The following LARP6 variants were observed in gnomAD, a reference collection of about 807,000 sequenced individuals.
The protein encoded by LARP6 is la-related protein 6.
LARP6 carries 18 observed loss-of-function variants against 32.8 expected under a neutral mutation model. That is an observed-to-expected ratio of 0.55 (90% CI 0.38 to 0.81). LARP6 has a LOEUF of 0.81. LARP6 is among the 40% of genes least tolerant of loss of function. The pLI is 0.00. For missense variants in LARP6, 598 were observed against 663.1 expected, an observed-to-expected ratio of 0.90 and a Z score of 1.08; for synonymous variants, 289 against 267.2, an observed-to-expected ratio of 1.08 and a Z score of -0.80.
intron 1 of LARP6, among the ~76,000 whole-genome samples, chr15:70,838,018 T>A (rs781027526): frequency 7.2e-5 from 11 of 152,214 alleles, no homozygotes; most frequent in Non-Finnish European, 1.6e-4. Context: ...CCTGGGGTAA[T>A]CTCATGCAAT....
Position 70,832,625 on chromosome 15 carries a change from G to C in LARP6, c.903C>G (p.Ala301=), listed in dbSNP as rs1385970315. 9 of 1,607,944 alleles carry C rather than the reference G, an allele frequency of 5.6e-6. No homozygotes were observed. The highest frequency in any genetic ancestry group is 6.8e-6 in the Non-Finnish European group (8 of 1,178,292). ...GCTCCTCGTCATGATTTTTGTCTTTGGCAGGTTTCTTTTTGGGTGGCTTCA... is the reference window on the plus strand; with the variant it reads ...GCTCCTCGTCATGATTTTTGTCTTTCGCAGGTTTCTTTTTGGGTGGCTTCA... ...IGMKPPKKKP[A]KDKNHDEEPT... The change falls in exon 3 of 3, where the codon GCC becomes GCG. Residue 301 remains alanine (A), a synonymous_variant. Transcript: ENST00000299213.
chr15:70,852,157 G>A, intron 1 of LARP6: 1 of 384,606 alleles, frequency 2.6e-6, no homozygotes, highest in South Asian at 1.9e-5. Context: ...ACAGGGGATA[G>A]TGTGGATCCT....
intron 1 of LARP6, among the ~76,000 whole-genome samples, chr15:70,841,426 C>T (rs1388545585): frequency 2.0e-5 from 3 of 152,184 alleles, no homozygotes; most frequent in Non-Finnish European, 4.4e-5. Context: ...TGTCTCTAGA[C>T]ATCCATCAAA....
At chr15:70,851,320 A>AT in intron 1 of LARP6, 2 of 415,690 alleles carry the variant, frequency 4.8e-6, no homozygotes, top group Non-Finnish European at 7.1e-6. Flanking sequence ...TCATAGTACT[A>AT]TTTTTTCATA....
chr15:70,846,659 A>C (rs2032352859), intron 1 of LARP6, among the ~76,000 whole-genome samples: 1 of 104,958 alleles, frequency 9.5e-6, no homozygotes, highest in Admixed American at 1.2e-4. Flanking sequence ...CATAATAAAA[A>C]AAAAACCAAC....
chr15:70,836,244 C>T (rs2032144434), intron 2 of LARP6, 51 bp downstream of exon 2: 1 of 1,534,960 alleles, frequency 6.5e-7, no homozygotes, highest in South Asian at 1.1e-5. Context: ...AAAACCACAA[C>T]CCAAAACAAA....
In LARP6 at chr15:70,831,942, A is replaced by G. The variant is rs1323761368; in HGVS notation, c.*110T>C. On this transcript the variant is annotated 3_prime_UTR_variant, in exon 3 of 3. Coordinates refer to ENST00000299213, the MANE Select transcript of LARP6 (RefSeq NM_018357.4). ...GATAAATTAAGAGGTCTACATGAATAAAAAATCTCTCAAAGGGGAACGAAT... is the reference window on the plus strand; with the variant it reads ...GATAAATTAAGAGGTCTACATGAATGAAAAATCTCTCAAAGGGGAACGAAT... 1.3e-6 allele frequency: 1 copy of G among 769,464 alleles called. No homozygotes were observed. The highest frequency in any genetic ancestry group is 2.1e-6 in the Non-Finnish European group (1 of 485,446). 47.7% of individuals were successfully genotyped at this position (769,464 alleles called of 1,614,324 possible). A position where few individuals can be genotyped will look rare whatever the true frequency, so the allele number is the denominator to read the frequency against.
intron 1 of LARP6, among the ~76,000 whole-genome samples, chr15:70,839,720 C>A (rs2032216914): frequency 6.6e-6 from 1 of 152,006 alleles, no homozygotes; most frequent in Non-Finnish European, 1.5e-5. Context: ...GTAGATGGGA[C>A]TACAGGCGCC....
intron 1 of LARP6, among the ~76,000 whole-genome samples, chr15:70,845,975 T>A (rs1463422152): frequency 6.6e-6 from 1 of 152,266 alleles, no homozygotes; most frequent in Non-Finnish European, 1.5e-5. Context: ...GTCTCTTTTT[T>A]TTCCCCCTTA....
chr15:70,830,656 T>C lies in LARP6; in HGVS notation c.*1396A>G, dbSNP rs537473678. The stretch of plus-strand genomic sequence containing the variant: ...AGATAATACCTGAACATTTCTCTTG[T>C]AGTTTTTGGGCAGATTAAATGAGAT... On this transcript the variant is annotated 3_prime_UTR_variant, in exon 3 of 3. Coordinates refer to ENST00000299213, the MANE Select transcript of LARP6 (RefSeq NM_018357.4). 1.3e-4 allele frequency: 20 copies of C among 152,372 alleles called. No individual in the cohort carries two copies. The highest frequency in any genetic ancestry group is 4.8e-4 in the African/African-American group (20 of 41,584). The allele number at this position is 152,372 out of a possible 1,614,324, so 9.4% of individuals were successfully genotyped here.
intron 2 of LARP6, among the ~76,000 whole-genome samples, chr15:70,833,878 A>G (rs1441052055): frequency 6.6e-6 from 1 of 152,236 alleles, no homozygotes; most frequent in Non-Finnish European, 1.5e-5. Flanking sequence ...CTCACTAAGA[A>G]TGGTGAAATA....
chr15:70,834,896 A>C (rs1398800483), intron 2 of LARP6, among the ~76,000 whole-genome samples: 1 of 152,250 alleles, frequency 6.6e-6, no homozygotes, highest in African/African-American at 2.4e-5. Context: ...TCAGAATGAA[A>C]AGGATCTTTG....
chr15:70,852,180 A>G (rs1050105526), intron 1 of LARP6: 3 of 406,134 alleles, frequency 7.4e-6, no homozygotes, highest in Admixed American at 2.8e-5. Flanking sequence ...TCTTGGCTAC[A>G]TCTCCTCCTG....
rs2032350809 is a variant in LARP6 at position 70,846,621 on chromosome 15, A to AATACATACACAC, written c.200+7267_200+7268insGTGTGTATGTAT. Among the ~76,000 whole-genome samples, 10 of 148,882 alleles carry AATACATACACAC rather than the reference A, an allele frequency of 6.7e-5. No individual in the cohort carries two copies. In the South Asian group the frequency reaches 2.2e-3, roughly 32 times the overall value. On this transcript the variant is annotated intron_variant, in intron 1 of 2. Transcript: ENST00000299213. ...GAGACCCTGTCTCAAAAAATAAATAAATACATACATACATACATACATACA... is the reference window on the plus strand; with the variant it reads ...GAGACCCTGTCTCAAAAAATAAATAAATACATACACACATACATACATACATACATACATACA...
chr15:70,838,525 C>CGG (rs2032189629), intron 1 of LARP6, among the ~76,000 whole-genome samples: 1 of 152,124 alleles, frequency 6.6e-6, no homozygotes, highest in African/African-American at 2.4e-5. Context: ...AATCCCATCA[C>CGG]GGGGTCTCTT....
intron 1 of LARP6, among the ~76,000 whole-genome samples, chr15:70,846,979 T>A (rs1324577960): frequency 6.6e-6 from 1 of 152,264 alleles, no homozygotes; most frequent in Non-Finnish European, 1.5e-5. Flanking sequence ...TTATAGCTAC[T>A]TGTGTGCACA....
At chr15:70,851,500 G>A (rs1384292156) in intron 1 of LARP6, 2 of 1,445,440 alleles carry the variant, frequency 1.4e-6, no homozygotes, top group Non-Finnish European at 9.2e-7. Context: ...TATTAGGCTA[G>A]GTATGGAAAT....
chr15:70,853,842 C>G, intron 1 of LARP6, 47 bp downstream of exon 1: 1 of 1,207,710 alleles, frequency 8.3e-7, no homozygotes. Context: ...CGCGCGCGGC[C>G]CGGCGCCCCC....
At chr15:70,852,151 G>A (rs986551021) in intron 1 of LARP6, 2 of 363,410 alleles carry the variant, frequency 5.5e-6, no homozygotes, top group Non-Finnish European at 1.1e-5. Context: ...GTCCAAACAG[G>A]GGATAGTGTG....
Sources: gnomAD v4.1 joint callset for allele counts (sites outside exome capture counted in the v4.1 genomes callset) on GRCh38, gnomAD v4.1.1 for gene constraint, MANE v1.5 for transcripts, NCBI Gene and HGNC (gene_info 2026-07-23, HGNC 2026-07-21) for gene names.